Variants in TACR3 observed in about 807,000 individuals in gnomAD.
TACR3 encodes the protein neuromedin-K receptor.
Under a neutral mutation model 35.0 loss-of-function variants are expected in TACR3, and 34 were observed. The observed-to-expected ratio is 0.97, with a 90% CI of 0.74 to 1.30. TACR3 has a LOEUF of 1.30. Among genes scored for constraint, TACR3 ranks in the 50% most tolerant of loss-of-function variants. TACR3 has a pLI of 0.00. For missense variants in TACR3, 558 were observed against 591.7 expected (o/e 0.94, Z 0.59); for synonymous variants, 233 against 221.1 (o/e 1.05, Z -0.48).
chr4:103,667,120 T>G, intron 1 of TACR3, among the ~76,000 whole-genome samples: 1 of 152,024 alleles, frequency 6.6e-6, no homozygotes. Flanking sequence ...TAAGCAGGCT[T>G]GATGGTGCAT....
intron 3 of TACR3, among the ~76,000 whole-genome samples, chr4:103,637,794 A>G (rs1330393535): frequency 1.3e-5 from 2 of 152,150 alleles, no homozygotes; most frequent in African/African-American, 2.4e-5. Flanking sequence ...TACACCAATA[A>G]CAGACAAACA....
chr4:103,711,209 A>G (rs1358965024), intron 1 of TACR3, among the ~76,000 whole-genome samples: 1 of 152,228 alleles, frequency 6.6e-6, no homozygotes, highest in Non-Finnish European at 1.5e-5. Flanking sequence ...TTTTAGACCA[A>G]TATCCCTGAT....
chr4:103,613,551 T>A (rs139419308), intron 3 of TACR3, among the ~76,000 whole-genome samples: 6,402 of 151,772 alleles, frequency 0.042, 457 homozygotes, highest in African/African-American at 0.15. Flanking sequence ...CTGGTCTTGA[T>A]CTCCTGACCT....
rs183908708 is a variant in TACR3, at chr4:103,703,692, G to C, written c.548+15436C>G. 7.3e-3 allele frequency among the ~76,000 whole-genome samples: 1,114 copies of C among 152,194 alleles called. 6 individuals are homozygous for C. The highest frequency in any genetic ancestry group is 0.012 in the Non-Finnish European group (831 of 68,006). On this transcript the variant is annotated intron_variant, in intron 1 of 4. Coordinates refer to ENST00000304883, the MANE Select transcript of TACR3 (RefSeq NM_001059.3). ...AAATGATTTATGCTCAGAGTGATGA[G>C]GCATAGGGAAGAAAGGGTATGCACA...
chr4:103,662,704 A>T (rs549282879), intron 1 of TACR3, among the ~76,000 whole-genome samples: 3 of 152,316 alleles, frequency 2.0e-5, no homozygotes, highest in African/African-American at 7.2e-5. Context: ...GAAAATTTGG[A>T]AACAGATATG....
chr4:103,606,226 A>T lies in TACR3; in HGVS notation c.889-14543T>A, dbSNP rs563792008. Among the ~76,000 whole-genome samples the T allele has an allele frequency of 2.7e-3, 409 of 151,958 alleles. 2 individuals are homozygous for T. Among genetic ancestry groups the T allele is most frequent in the African/African-American group, 9.2e-3 (382 of 41,386 alleles). On this transcript the variant is annotated intron_variant, in intron 3 of 4. Coordinates refer to ENST00000304883, the MANE Select transcript of TACR3 (RefSeq NM_001059.3). ...AGTACCATGCTGTTTTGGTTACTGTAGCCTTGTAGTATAGTTTGAAGTCAG... is the reference window on the plus strand; with the variant it reads ...AGTACCATGCTGTTTTGGTTACTGTTGCCTTGTAGTATAGTTTGAAGTCAG...
At chr4:103,687,028 C>T (rs1722261897) in intron 1 of TACR3, among the ~76,000 whole-genome samples, 1 of 152,090 alleles carries the variant, frequency 6.6e-6, no homozygotes. Context: ...TCCAGCAGCA[C>T]ATCAAAAAGC....
intron 1 of TACR3, among the ~76,000 whole-genome samples, chr4:103,673,283 GTTT>G (rs1440851094): frequency 2.0e-5 from 3 of 152,098 alleles, no homozygotes; most frequent in Non-Finnish European, 4.4e-5. Context: ...CCTGTGTTGG[GTTT>G]TGATATGTCT....
At chr4:103,618,588 T>TCG (rs1326750479) in intron 3 of TACR3, among the ~76,000 whole-genome samples, 2 of 116,698 alleles carry the variant, frequency 1.7e-5, no homozygotes, top group Non-Finnish European at 3.7e-5. Flanking sequence ...TTTTTTTTTT[T>TCG]TTTGTTCCAT....
chr4:103,611,391 T>A (rs1396144236), intron 3 of TACR3, among the ~76,000 whole-genome samples: 1 of 152,152 alleles, frequency 6.6e-6, no homozygotes, highest in Non-Finnish European at 1.5e-5. Flanking sequence ...CTATTGTAAG[T>A]GGGATTGATT....
chr4:103,678,217 C>T (rs1726214100), intron 1 of TACR3, among the ~76,000 whole-genome samples: 1 of 126,904 alleles, frequency 7.9e-6, no homozygotes. Context: ...GAATTCATTC[C>T]TTTCAGTTAT....
At chr4:103,705,293 G>T (rs867661932) in intron 1 of TACR3, among the ~76,000 whole-genome samples, 8 of 152,106 alleles carry the variant, frequency 5.3e-5, no homozygotes, top group Non-Finnish European at 7.4e-5. Context: ...GTGTAAAAAT[G>T]CCTGTTTCAT....
intron 1 of TACR3, among the ~76,000 whole-genome samples, chr4:103,675,983 C>T (rs1431138549): frequency 6.6e-6 from 1 of 152,198 alleles, no homozygotes; most frequent in Non-Finnish European, 1.5e-5. Context: ...TTAATTTCCA[C>T]TCAGATACAG....
chr4:103,691,175 A>C (rs959373153), intron 1 of TACR3, among the ~76,000 whole-genome samples: 2 of 152,192 alleles, frequency 1.3e-5, no homozygotes, highest in Admixed American at 1.3e-4. Context: ...CACTCATAGC[A>C]GTTCTATTCA....
At chr4:103,639,053 C>G (rs1167732315) in intron 3 of TACR3, among the ~76,000 whole-genome samples, 2 of 152,088 alleles carry the variant, frequency 1.3e-5, no homozygotes, top group Admixed American at 1.3e-4. Flanking sequence ...GGATCTAGAG[C>G]TAGAAATACC....
At chr4:103,697,413 T>TA (rs1722544897) in intron 1 of TACR3, among the ~76,000 whole-genome samples, 2 of 150,474 alleles carry the variant, frequency 1.3e-5, no homozygotes, top group East Asian at 1.9e-4. Flanking sequence ...TTTATTTATT[T>TA]ATTTATTTAT....
chr4:103,656,107 T>A, intron 3 of TACR3, 87 bp downstream of exon 3: 1 of 1,502,656 alleles, frequency 6.7e-7, no homozygotes, highest in East Asian at 2.3e-5. Context: ...TCAGATCATA[T>A]TGTATTAACA....
At chr4:103,635,732 T>A (rs1439944414) in intron 3 of TACR3, among the ~76,000 whole-genome samples, 1 of 151,994 alleles carries the variant, frequency 6.6e-6, no homozygotes, top group Non-Finnish European at 1.5e-5. Flanking sequence ...AAATATTTGA[T>A]GAATCTCAAT....
chr4:103,677,984 A>T (rs1726208483), intron 1 of TACR3, among the ~76,000 whole-genome samples: 1 of 152,076 alleles, frequency 6.6e-6, no homozygotes, highest in African/African-American at 2.4e-5. Context: ...AAAACTTTGG[A>T]TATTGTCCCT....
Sources: gnomAD v4.1 joint callset for allele counts (sites outside exome capture counted in the v4.1 genomes callset) on GRCh38, gnomAD v4.1.1 for gene constraint, MANE v1.5 for transcripts, NCBI Gene and HGNC (gene_info 2026-07-23, HGNC 2026-07-21) for gene names.